WWC2: variants seen among roughly 807,000 people sequenced by gnomAD.
WWC2 encodes the protein WW and C2 domain containing 2.
A neutral mutation model predicts 138.5 loss-of-function variants in WWC2; 101 were observed. That is an observed-to-expected ratio of 0.73 (90% CI 0.62 to 0.86). The LOEUF is 0.86. WWC2 is among the 40% of genes least tolerant of loss of function. The pLI is 0.00. For synonymous variants in WWC2, 558 were observed against 538.4 expected, an observed-to-expected ratio of 1.04 and a Z score of -0.50; for missense variants, 1,420 against 1,419.4, an observed-to-expected ratio of 1.00 and a Z score of -0.01.
chr4:183,250,690 A>G (rs934844848), intron 8 of WWC2, among the ~76,000 whole-genome samples: 4 of 152,210 alleles, frequency 2.6e-5, no homozygotes, highest in African/African-American at 9.6e-5. Flanking sequence ...TATGAGGGAA[A>G]GGATTATACT....
chr4:183,284,576 C>G (rs1377778224), intron 19 of WWC2, among the ~76,000 whole-genome samples, 186 bp downstream of exon 19: 1 of 152,168 alleles, frequency 6.6e-6, no homozygotes, highest in Non-Finnish European at 1.5e-5. Flanking sequence ...GTTTGTTTTT[C>G]CATCAAATTT....
chr4:183,099,730 G>A, intron 1 of WWC2, 108 bp downstream of exon 1: 1 of 1,090,840 alleles, frequency 9.2e-7, no homozygotes, highest in South Asian at 4.5e-5. Flanking sequence ...GTGCCCCGAG[G>A]GGTCCCGGGA....
intron 11 of WWC2, among the ~76,000 whole-genome samples, chr4:183,262,278 C>T (rs1737353045): frequency 6.6e-6 from 1 of 152,156 alleles, no homozygotes; most frequent in South Asian, 2.1e-4. Flanking sequence ...CACTGTTGGT[C>T]TGAGGAGGAT....
At position 183,099,450 on chromosome 4, in the gene WWC2, C is replaced by A; in HGVS notation, c.-42C>A. ...CCGCGTTCCCGCCGCGTCCCGCGCC[C>A]GGTACCTATGGAGGCGCCGCTCGCC... On this transcript the variant is annotated 5_prime_UTR_variant, in exon 1 of 23. Coordinates refer to ENST00000403733, the MANE Select transcript of WWC2 (RefSeq NM_024949.6). 8.2e-7 allele frequency: 1 copy of A among 1,224,852 alleles called. No individual in the cohort carries two copies. The highest frequency in any genetic ancestry group is 3.6e-5 in the East Asian group (1 of 27,658). The allele number at this position is 1,224,852 out of a possible 1,614,324, so 75.9% of individuals were successfully genotyped here.
chr4:183,119,515 C>G (rs72691686), intron 1 of WWC2, among the ~76,000 whole-genome samples: 9,286 of 152,224 alleles, frequency 0.061, 458 homozygotes, highest in African/African-American at 0.13. Context: ...TTTGGAAGAA[C>G]CTGCTGGGCG....
chr4:183,136,855 C>T (rs1333572872), intron 1 of WWC2, among the ~76,000 whole-genome samples: 4 of 152,158 alleles, frequency 2.6e-5, no homozygotes, highest in Non-Finnish European at 5.9e-5. Flanking sequence ...ATAGAGTGTA[C>T]TTACACAAAC....
At chr4:183,101,530 A>G (rs1315536503) in intron 1 of WWC2, among the ~76,000 whole-genome samples, 1 of 152,202 alleles carries the variant, frequency 6.6e-6, no homozygotes, top group African/African-American at 2.4e-5. Context: ...CGACTTACAA[A>G]TATTTCTGGA....
chr4:183,205,305 G>C (rs1735418261), intron 2 of WWC2, among the ~76,000 whole-genome samples: 2 of 152,178 alleles, frequency 1.3e-5, no homozygotes, highest in African/African-American at 4.8e-5. Flanking sequence ...GTATTTCGCT[G>C]ATAATTAGTG....
chr4:183,187,763 C>T (rs893705790), intron 1 of WWC2, among the ~76,000 whole-genome samples: 6 of 149,598 alleles, frequency 4.0e-5, no homozygotes, highest in African/African-American at 1.2e-4. Context: ...ATCCTAGCTA[C>T]TTGGGAGGCT....
intron 2 of WWC2, among the ~76,000 whole-genome samples, chr4:183,197,819 C>T (rs1361278676): frequency 6.6e-6 from 1 of 152,036 alleles, no homozygotes; most frequent in Non-Finnish European, 1.5e-5. Flanking sequence ...TGGACTTTGA[C>T]GTATGTATAG....
intron 1 of WWC2, among the ~76,000 whole-genome samples, chr4:183,149,458 A>G (rs1277676794): frequency 6.6e-6 from 1 of 152,050 alleles, no homozygotes; most frequent in Non-Finnish European, 1.5e-5. Context: ...CCCCATCTCT[A>G]CTGAAAATAC....
intron 1 of WWC2, among the ~76,000 whole-genome samples, chr4:183,158,990 C>G (rs1733881667): frequency 6.6e-6 from 1 of 152,144 alleles, no homozygotes; most frequent in Non-Finnish European, 1.5e-5. Flanking sequence ...GTGCTGTGTG[C>G]TTGTGCCTGT....
chr4:183,151,940 A>AT (rs985885483), intron 1 of WWC2, among the ~76,000 whole-genome samples: 39 of 150,184 alleles, frequency 2.6e-4, no homozygotes, highest in Non-Finnish European at 5.1e-4. Flanking sequence ...AAACTAAACA[A>AT]TTTAAAAAAT....
chr4:183,285,513 C>A (rs572588583), intron 19 of WWC2, among the ~76,000 whole-genome samples: 1 of 152,302 alleles, frequency 6.6e-6, no homozygotes, highest in Non-Finnish European at 1.5e-5. Context: ...GTAATCCCAA[C>A]ACTTTGGGAG....
In WWC2 at chr4:183,314,166, G is replaced by A. The variant is rs147386275; in HGVS notation, c.3513-1497G>A. Among the ~76,000 whole-genome samples the A allele has an allele frequency of 6.5e-4, 99 of 152,164 alleles. 1 individual carries two copies. The highest frequency in any genetic ancestry group is 3.4e-3 in the Middle Eastern group (1 of 294). The stretch of plus-strand genomic sequence containing the variant: ...CTCTTTCATTTTTCTGCAACACCCT[G>A]CAGTAGAGAGGTTTTTCCACCCTCT... On this transcript the variant is annotated intron_variant, in intron 22 of 22. Transcript: ENST00000403733.
At position 183,316,223 on chromosome 4, in the gene WWC2, TTCCAAAG is replaced by T. The variant is rs1020150994; in HGVS notation, c.*498_*504del. On this transcript the variant is annotated 3_prime_UTR_variant, in exon 23 of 23. Coordinates refer to ENST00000403733, the MANE Select transcript of WWC2 (RefSeq NM_024949.6). ...TGTGAGCACACGCTGGAGTGCAGCG[TTCCAAAG>T]TCCGCCCGAAATGGATGCTGCGTCC... 1 of 154,268 alleles carries T rather than the reference TTCCAAAG, an allele frequency of 6.5e-6. No homozygotes were observed. Among genetic ancestry groups the T allele is most frequent in the African/African-American group, 2.4e-5 (1 of 41,446 alleles). 9.6% of individuals were successfully genotyped at this position (154,268 alleles called of 1,614,324 possible). A position where few individuals can be genotyped will look rare whatever the true frequency, so the allele number is the denominator to read the frequency against.
intron 1 of WWC2, among the ~76,000 whole-genome samples, chr4:183,128,796 T>C (rs554916138): frequency 1.3e-5 from 2 of 152,330 alleles, no homozygotes; most frequent in African/African-American, 4.8e-5. Context: ...ATTTTCTACA[T>C]TGGCATTCAG....
chr4:183,185,810 A>G (rs1734775835), intron 1 of WWC2, among the ~76,000 whole-genome samples: 1 of 152,176 alleles, frequency 6.6e-6, no homozygotes, highest in Non-Finnish European at 1.5e-5. Flanking sequence ...AAATGGAAAA[A>G]GTATACCTAC....
intron 21 of WWC2, among the ~76,000 whole-genome samples, chr4:183,298,936 A>G (rs1738728291): frequency 6.6e-6 from 1 of 150,878 alleles, no homozygotes; most frequent in African/African-American, 2.5e-5. Context: ...CAGGATACTC[A>G]GAGTGCAGTC....
Sources: allele counts gnomAD v4.1 joint callset (sites outside exome capture counted in the v4.1 genomes callset), GRCh38; gene constraint gnomAD v4.1.1; transcripts MANE v1.5; gene names NCBI Gene and HGNC (gene_info 2026-07-23, HGNC 2026-07-21).